ABLIM2: variants seen among roughly 807,000 people sequenced by gnomAD.
ABLIM2 encodes actin binding LIM protein family member 2, also known as actin-binding LIM protein 2.
A neutral mutation model predicts 97.7 loss-of-function variants in ABLIM2; 53 were observed. That is an observed-to-expected ratio of 0.54 (90% confidence interval 0.44 to 0.68). The LOEUF is 0.68. Ranked by LOEUF, ABLIM2 falls within the 30% of genes least tolerant of loss-of-function variation. The pLI, the probability that ABLIM2 is intolerant of heterozygous loss-of-function variation, is 0.00. For missense variants in ABLIM2, 835 were observed against 867.2 expected (o/e 0.96, Z 0.47); for synonymous variants, 361 against 345.8 (o/e 1.04, Z -0.49).
chr4:8,030,717 T>C (rs1275458256), intron 10 of ABLIM2, among the ~76,000 whole-genome samples: 1 of 152,220 alleles, frequency 6.6e-6, no homozygotes, highest in Non-Finnish European at 1.5e-5. Flanking sequence ...CCTGCCTCTC[T>C]ACCCCGGGCG....
chr4:7,996,199 G>T lies in ABLIM2; in HGVS notation c.1619-3272C>A, dbSNP rs1034555249. On this transcript the variant is annotated intron_variant, in intron 16 of 20. Coordinates refer to ENST00000447017, the MANE Select transcript of ABLIM2 (RefSeq NM_001130083.2). This position sits in a 1 kb window ranked among gnomAD's most constrained non-coding sequence, Gnocchi z 4.5. ...AACTCGTCAGAAATGCAAATTAGTG[G>T]GCCCTACCCTAGACCTCCTGTGTCA... Among the ~76,000 whole-genome samples the T allele has an allele frequency of 1.3e-5, 2 of 152,176 alleles. No homozygotes were observed. The highest frequency in any genetic ancestry group is 6.5e-5 in the Admixed American group (1 of 15,286).
At position 8,058,981 on chromosome 4, in the gene ABLIM2, A is replaced by G. The variant is rs1250106804; in HGVS notation, c.763+1986T>C. Among the ~76,000 whole-genome samples the G allele has an allele frequency of 1.3e-5, 2 of 151,856 alleles. No homozygotes were observed. Among genetic ancestry groups the G allele is most frequent in the Admixed American group, 6.6e-5 (1 of 15,240 alleles). On this transcript the variant is annotated intron_variant, in intron 7 of 20. Transcript: ENST00000447017. This position sits in a 1 kb window ranked among gnomAD's most constrained non-coding sequence, Gnocchi z 4.2. ...TCCACCTGCTGCCCCAACCCTGCTC[A>G]TTGGCTGCAACCCCCACTGTCTGCC...
Position 8,069,264 on chromosome 4 carries a change from A to T in ABLIM2, c.676-8210T>A, listed in dbSNP as rs968725236. Among the ~76,000 whole-genome samples, 1 of 152,266 alleles carries T rather than the reference A, an allele frequency of 6.6e-6. No individual in the cohort carries two copies. The highest frequency in any genetic ancestry group is 2.4e-5 in the African/African-American group (1 of 41,470). On this transcript the variant is annotated intron_variant, in intron 6 of 20. Coordinates refer to ENST00000447017, the MANE Select transcript of ABLIM2 (RefSeq NM_001130083.2). This position sits in a 1 kb window ranked among gnomAD's most constrained non-coding sequence, Gnocchi z 4.2. ...CGAGCCGTCCAGTGGGGACGTTCTGAACAAGGCAACACGGTGCCCAGGAGG... is the reference window on the plus strand; with the variant it reads ...CGAGCCGTCCAGTGGGGACGTTCTGTACAAGGCAACACGGTGCCCAGGAGG...
intron 12 of ABLIM2, among the ~76,000 whole-genome samples, chr4:8,025,313 T>C (rs1223535937): frequency 6.6e-6 from 1 of 152,162 alleles, no homozygotes; most frequent in Non-Finnish European, 1.5e-5. Context: ...GGCAAAAACC[T>C]GGCCCCACCC....
At chr4:8,151,472 C>G (rs1413164348) in intron 1 of ABLIM2, among the ~76,000 whole-genome samples, 1 of 152,192 alleles carries the variant, frequency 6.6e-6, no homozygotes, top group African/African-American at 2.4e-5. Context: ...AGCTGCTAAT[C>G]CACAGGCGGC....
intron 1 of ABLIM2, among the ~76,000 whole-genome samples, chr4:8,119,777 C>T (rs1182313032): frequency 6.6e-6 from 1 of 152,184 alleles, no homozygotes; most frequent in Non-Finnish European, 1.5e-5. Context: ...GGCCCTGGCT[C>T]GAGGGCTTGG....
At chr4:8,139,383 T>C (rs1850640506) in intron 1 of ABLIM2, among the ~76,000 whole-genome samples, 1 of 152,020 alleles carries the variant, frequency 6.6e-6, no homozygotes, top group Non-Finnish European at 1.5e-5. Flanking sequence ...ATCCAGAATC[T>C]ACAAGGAACT....
intron 1 of ABLIM2, among the ~76,000 whole-genome samples, chr4:8,114,284 C>T (rs147778635): frequency 2.0e-5 from 3 of 152,014 alleles, no homozygotes; most frequent in Admixed American, 6.5e-5. Context: ...GGGCCACACA[C>T]ACCCTGTGCC....
intron 10 of ABLIM2, among the ~76,000 whole-genome samples, chr4:8,030,049 T>C (rs1579128646): frequency 6.6e-6 from 1 of 152,002 alleles, no homozygotes; most frequent in Admixed American, 6.5e-5. Context: ...CATCTTCCCC[T>C]CCTGCCGGTG....
rs577817977 is a variant in ABLIM2 at position 8,052,866 on chromosome 4, C to A, written c.822+1322G>T. Among the ~76,000 whole-genome samples, 23 of 152,360 alleles carry A rather than the reference C, an allele frequency of 1.5e-4. No individual in the cohort carries two copies. In the Middle Eastern group the frequency reaches 0.01, roughly 68 times the overall value. On this transcript the variant is annotated intron_variant, in intron 8 of 20. Transcript: ENST00000447017. ...ACAGGACATCAGAGTCACTCAGGACCCCCAAGGTAGCCTGCTTGGTGGAAT... is the reference window on the plus strand; with the variant it reads ...ACAGGACATCAGAGTCACTCAGGACACCCAAGGTAGCCTGCTTGGTGGAAT...
intron 1 of ABLIM2, among the ~76,000 whole-genome samples, chr4:8,136,020 C>A (rs193240217): frequency 2.5e-3 from 383 of 152,366 alleles, no homozygotes; most frequent in African/African-American, 9.0e-3. Context: ...TTCACAGCAG[C>A]AGAATCTCCA....
At chr4:8,116,926 C>T (rs1173090574) in intron 1 of ABLIM2, among the ~76,000 whole-genome samples, 2 of 152,166 alleles carry the variant, frequency 1.3e-5, no homozygotes, top group East Asian at 3.8e-4. Context: ...ACAAATAAGC[C>T]TTATGCATTT....
chr4:8,144,899 C>T (rs1851544010), intron 1 of ABLIM2, among the ~76,000 whole-genome samples: 1 of 152,204 alleles, frequency 6.6e-6, no homozygotes, highest in African/African-American at 2.4e-5. Flanking sequence ...CTCTTTGTTC[C>T]CTATTGGCCT....
intron 4 of ABLIM2, among the ~76,000 whole-genome samples, chr4:8,081,481 A>C (rs1346030084): frequency 1.3e-5 from 2 of 152,154 alleles, no homozygotes; most frequent in Admixed American, 1.3e-4. Context: ...CCTATGAGCC[A>C]CCATACCGGG....
At chr4:8,100,514 AG>A (rs1319344744) in intron 2 of ABLIM2, among the ~76,000 whole-genome samples, 10 of 152,100 alleles carry the variant, frequency 6.6e-5, no homozygotes, top group Non-Finnish European at 1.5e-4. Context: ...TGGGAGGCTG[AG>A]GGGGGCGGAT....
At chr4:8,031,166 C>T (rs184350894) in intron 10 of ABLIM2, among the ~76,000 whole-genome samples, 14 of 152,324 alleles carry the variant, frequency 9.2e-5, no homozygotes, top group Admixed American at 6.5e-4. Flanking sequence ...TAAGGTTGGC[C>T]GAGGTCCTGT....
At chr4:8,052,157 G>A (rs374912586) in intron 8 of ABLIM2, among the ~76,000 whole-genome samples, 2 of 152,146 alleles carry the variant, frequency 1.3e-5, no homozygotes, top group East Asian at 3.8e-4. Context: ...TCCACTCATC[G>A]GAGCCACATC....
intron 1 of ABLIM2, among the ~76,000 whole-genome samples, chr4:8,152,082 C>G (rs559104446): frequency 6.6e-6 from 1 of 152,096 alleles, no homozygotes; most frequent in Non-Finnish European, 1.5e-5. Context: ...ACACCACGGC[C>G]CAGGCGAGAA....
intron 6 of ABLIM2, among the ~76,000 whole-genome samples, chr4:8,064,043 A>C (rs1002241113): frequency 4.5e-4 from 68 of 152,374 alleles, no homozygotes; most frequent in African/African-American, 1.6e-3. Context: ...TAGACTGTGC[A>C]GTCCGATCCT....
Sources: gnomAD v4.1 joint callset for allele counts (sites outside exome capture counted in the v4.1 genomes callset) on GRCh38, gnomAD v4.1.1 for gene constraint, Gnocchi (gnomAD v3.1) non-coding constraint, MANE v1.5 for transcripts, NCBI Gene and HGNC (gene_info 2026-07-23, HGNC 2026-07-21) for gene names.